Variants in RAPGEF6 observed in about 807,000 individuals in gnomAD.
RAPGEF6 encodes Rap guanine nucleotide exchange factor 6.
Under a neutral mutation model 171.4 loss-of-function variants are expected in RAPGEF6, and 56 were observed. The ratio of observed to expected loss-of-function variants is 0.33; its 90% CI spans 0.26 to 0.41. The LOEUF (loss-of-function observed/expected upper bound fraction) is 0.41, where lower values mean the gene tolerates loss of function less well. Ranked by LOEUF, RAPGEF6 falls within the 10% of genes least tolerant of loss-of-function variation. The pLI is 1.00. For missense variants in RAPGEF6, 1,674 were observed against 1,921.4 expected (o/e 0.87, Z 2.41); for synonymous variants, 692 against 650.1 (o/e 1.06, Z -0.98).
At chr5:131,467,535 G>A (rs572999107) in intron 17 of RAPGEF6, among the ~76,000 whole-genome samples, 1 of 152,294 alleles carries the variant, frequency 6.6e-6, no homozygotes, top group East Asian at 1.9e-4. Context: ...TTTCTTGTTA[G>A]TAGGAAAACC....
In RAPGEF6 at chr5:131,530,459, T is replaced by C. The variant is rs530525412; in HGVS notation, c.496-8938A>G. Among the ~76,000 whole-genome samples, 7 of 152,306 alleles carry C rather than the reference T, an allele frequency of 4.6e-5. No individual in the cohort carries two copies. The East Asian group carries it at 9.6e-4, about 21-fold the overall frequency. On this transcript the variant is annotated intron_variant, in intron 6 of 27. Transcript: ENST00000509018. ...GAATTCAGAAGTAGTAAAATGCAAG[T>C]ACATAGTAGCATAGGCAAAAATACA...
chr5:131,627,514 TA>T (rs1450253732), intron 1 of RAPGEF6, among the ~76,000 whole-genome samples: 1 of 152,096 alleles, frequency 6.6e-6, no homozygotes, highest in Non-Finnish European at 1.5e-5. Flanking sequence ...GAGAGGGAAA[TA>T]AACATTAAGG....
chr5:131,518,336 C>T (rs527236596), intron 7 of RAPGEF6, among the ~76,000 whole-genome samples: 19 of 150,188 alleles, frequency 1.3e-4, no homozygotes, highest in Admixed American at 6.0e-4. Flanking sequence ...TTTATTTTGG[C>T]GTTTATGCTG....
rs181655629 is a variant in RAPGEF6 at position 131,568,684 on chromosome 5, G to C, written c.282-6637C>G. Among the ~76,000 whole-genome samples the C allele has an allele frequency of 5.2e-3, 798 of 152,222 alleles. 6 individuals are homozygous for C. Among genetic ancestry groups the C allele is most frequent in the African/African-American group, 0.018 (758 of 41,526 alleles). ...GCAATATGCTTCAGGAACAAGCAAAGGTGGTCCACTCTCACCACTTCCAAT... is the reference window on the plus strand; with the variant it reads ...GCAATATGCTTCAGGAACAAGCAAACGTGGTCCACTCTCACCACTTCCAAT... On this transcript the variant is annotated intron_variant, in intron 4 of 27. Coordinates refer to ENST00000509018, the MANE Select transcript of RAPGEF6 (RefSeq NM_016340.6).
intron 3 of RAPGEF6, among the ~76,000 whole-genome samples, chr5:131,596,564 C>G (rs779142400): frequency 2.1e-4 from 32 of 151,832 alleles, no homozygotes; most frequent in Non-Finnish European, 4.4e-4. Flanking sequence ...AAAGCTACTG[C>G]AACCAAAAAA....
At chr5:131,453,989 G>C (rs1325188749) in intron 20 of RAPGEF6, among the ~76,000 whole-genome samples, 5 of 152,206 alleles carry the variant, frequency 3.3e-5, no homozygotes, top group African/African-American at 1.2e-4. Flanking sequence ...GGTGAGATCA[G>C]AAAAGCTGGA....
intron 20 of RAPGEF6, 77 bp downstream of exon 20, chr5:131,455,724 T>C: frequency 3.2e-6 from 4 of 1,262,722 alleles, no homozygotes; most frequent in East Asian, 2.3e-5. Context: ...ATAGGAAATA[T>C]ACCATACACA....
intron 11 of RAPGEF6, among the ~76,000 whole-genome samples, chr5:131,503,141 T>G (rs1436309436): frequency 2.0e-5 from 3 of 152,168 alleles, no homozygotes; most frequent in Non-Finnish European, 2.9e-5. Flanking sequence ...CTTCCTAACT[T>G]GAAGGATTCT....
chr5:131,562,256 C>A (rs900426658), intron 4 of RAPGEF6, among the ~76,000 whole-genome samples: 18 of 151,464 alleles, frequency 1.2e-4, no homozygotes, highest in African/African-American at 4.4e-4. Context: ...GATCTCAATA[C>A]TATATGAAAA....
intron 4 of RAPGEF6, among the ~76,000 whole-genome samples, chr5:131,578,187 T>C (rs960239964): frequency 2.0e-5 from 3 of 151,788 alleles, no homozygotes; most frequent in Non-Finnish European, 4.4e-5. Flanking sequence ...GATGAAGTCC[T>C]TTTTTTTAAC....
At chr5:131,595,882 G>T (rs958606267) in intron 3 of RAPGEF6, among the ~76,000 whole-genome samples, 1 of 152,212 alleles carries the variant, frequency 6.6e-6, no homozygotes, top group Non-Finnish European at 1.5e-5. Flanking sequence ...GTTGGGTGCA[G>T]TGGCTTATGC....
At chr5:131,594,317 G>A (rs1253914702) in intron 3 of RAPGEF6, among the ~76,000 whole-genome samples, 1 of 152,268 alleles carries the variant, frequency 6.6e-6, no homozygotes, top group Non-Finnish European at 1.5e-5. Flanking sequence ...CAAGCCTCAA[G>A]CCTTGGCGGC....
At chr5:131,572,495 C>T (rs916185798) in intron 4 of RAPGEF6, among the ~76,000 whole-genome samples, 3 of 152,174 alleles carry the variant, frequency 2.0e-5, no homozygotes, top group Non-Finnish European at 4.4e-5. Context: ...CACATCTTCC[C>T]TTGGTGTCTG....
chr5:131,617,308 A>AC (rs1491569132), intron 1 of RAPGEF6, among the ~76,000 whole-genome samples: 1 of 22,824 alleles, frequency 4.4e-5, no homozygotes, highest in African/African-American at 7.2e-5. Flanking sequence ...ACACACACAC[A>AC]AAAAAAAACC....
intron 16 of RAPGEF6, among the ~76,000 whole-genome samples, chr5:131,478,355 T>C (rs533192534): frequency 1.8e-4 from 27 of 152,310 alleles, no homozygotes; most frequent in African/African-American, 6.5e-4. Context: ...TTATGCTGTA[T>C]CCACAACCCC....
intron 23 of RAPGEF6, among the ~76,000 whole-genome samples, chr5:131,440,403 C>T (rs1053272610): frequency 6.6e-6 from 1 of 152,154 alleles, no homozygotes; most frequent in Non-Finnish European, 1.5e-5. Flanking sequence ...CATTCATCTT[C>T]TCTAAGAAAT....
chr5:131,469,319 A>AT (rs781584035), intron 17 of RAPGEF6, among the ~76,000 whole-genome samples: 2 of 152,124 alleles, frequency 1.3e-5, no homozygotes, highest in Non-Finnish European at 2.9e-5. Flanking sequence ...TGGCAGTTTA[A>AT]TTTTTTTAAA....
At chr5:131,539,784 T>C (rs1339696980) in intron 6 of RAPGEF6, among the ~76,000 whole-genome samples, 1 of 152,124 alleles carries the variant, frequency 6.6e-6, no homozygotes, top group Non-Finnish European at 1.5e-5. Context: ...AAACAAAACA[T>C]GGAGCACTGA....
In RAPGEF6 at chr5:131,428,918, T is replaced by C. The variant is rs781584687; in HGVS notation, c.4764A>G (p.Ala1588=). 5.0e-6 allele frequency: 8 copies of C among 1,613,272 alleles called. No individual in the cohort carries two copies. The highest frequency in any genetic ancestry group is 6.8e-6 in the Non-Finnish European group (8 of 1,179,310). The change falls in exon 27 of 28, where the codon GCA becomes GCG. Residue 1588 remains alanine (A), a synonymous_variant. Coordinates refer to ENST00000509018, the MANE Select transcript of RAPGEF6 (RefSeq NM_016340.6). ...FHPKLGDVTD[A]DSEADENEQV... ...TCAACATACCATCTGCTTCGCTATC[T>C]GCATCAGTCACATCTCCTAGTTTAG...
Sources: gnomAD v4.1 joint callset for allele counts (sites outside exome capture counted in the v4.1 genomes callset) on GRCh38, gnomAD v4.1.1 for gene constraint, MANE v1.5 for transcripts, NCBI Gene and HGNC (gene_info 2026-07-23, HGNC 2026-07-21) for gene names.